The following SAP130 variants were observed in gnomAD, a reference collection of about 807,000 sequenced individuals.
SAP130 encodes Sin3A associated protein 130.
SAP130 carries 16 observed loss-of-function variants against 103.2 expected under a neutral mutation model. That is an observed-to-expected ratio of 0.16 (90% CI 0.10 to 0.24). SAP130 has a LOEUF of 0.24. Among genes scored for constraint, SAP130 ranks in the 10% least tolerant of loss-of-function variants. The probability of loss-of-function intolerance (pLI) is 1.00; values close to 1 mark genes in which losing one functional copy is unlikely to be tolerated. For missense variants in SAP130, 990 were observed against 1,359.7 expected, an observed-to-expected ratio of 0.73 and a Z score of 4.28; for synonymous variants, 477 against 497.0, an observed-to-expected ratio of 0.96 and a Z score of 0.53.
chr2:128,027,333 G>A, intron 1 of SAP130: 2 of 782,472 alleles, frequency 2.6e-6, no homozygotes, highest in African/African-American at 2.1e-5. Flanking sequence ...CCCGCCCATT[G>A]GCCCCACGCC....
chr2:127,942,183 C>T lies in SAP130; in HGVS notation c.3016-19G>A. 2 of 1,573,236 alleles carry T rather than the reference C, an allele frequency of 1.3e-6. No homozygotes were observed. The highest frequency in any genetic ancestry group is 1.7e-6 in the Non-Finnish European group (2 of 1,164,288). ...TATTTCCCTGAAACAGAAGACATTG[C>T]ATCATCAATCAGTGACCATGAGGAT... On this transcript the variant is annotated intron_variant, in intron 20 of 20. Coordinates refer to ENST00000643581, the MANE Select transcript of SAP130 (RefSeq NM_001330301.2). The surrounding 1 kb of genome is among the most constrained non-coding windows in gnomAD (Gnocchi z 4.8).
chr2:128,017,585 TCCTAAGATACAG>T, intron 3 of SAP130, 83 bp downstream of exon 3: 1 of 1,077,802 alleles, frequency 9.3e-7, no homozygotes. Flanking sequence ...TGAAATGTGA[TCCTAAGATACAG>T]CCTAAGATTT....
chr2:127,942,524 T>C lies in SAP130; in HGVS notation c.2915A>G (p.His972Arg). The C allele has an allele frequency of 6.2e-7, 1 of 1,606,384 alleles. No individual in the cohort carries two copies. The highest frequency in any genetic ancestry group is 2.2e-5 in the East Asian group (1 of 44,848). ...GTTAGTAAGTCTTTCATAGACATCATGTTCTAGATTCGTCTGCAACACACA... is the reference window on the plus strand; with the variant it reads ...GTTAGTAAGTCTTTCATAGACATCACGTTCTAGATTCGTCTGCAACACACA... Reference protein sequence around the residue: ...AQLLQLTNLEHDVYERLTNLQ... With the variant: ...AQLLQLTNLERDVYERLTNLQ... The change falls in exon 20 of 21, where the codon CAT (histidine) becomes CGT (arginine). Residue 972 changes from histidine to arginine, a missense_variant. Physicochemically the swap from His to Arg is conservative, Grantham distance 29. Coordinates refer to ENST00000643581, the MANE Select transcript of SAP130 (RefSeq NM_001330301.2). The surrounding 1 kb of genome is among the most constrained non-coding windows in gnomAD (Gnocchi z 4.8).
chr2:127,967,587 C>T lies in SAP130; in HGVS notation c.2063+10398G>A, dbSNP rs1014333046. On this transcript the variant is annotated intron_variant, in intron 15 of 20. Coordinates refer to ENST00000643581, the MANE Select transcript of SAP130 (RefSeq NM_001330301.2). ...CTAATTTTTGTATTTTTAGTAGAGA[C>T]GGGTTTCACCATCTTGGCCAAGCTG... is the stretch of plus-strand genomic sequence containing the variant. Among the ~76,000 whole-genome samples, 20 of 152,252 alleles carry T rather than the reference C, an allele frequency of 1.3e-4. No homozygotes were observed. The Middle Eastern group carries it at 0.014, about 104-fold the overall frequency.
At chr2:127,945,587 G>A in intron 18 of SAP130, 28 bp from the exon 19 acceptor site, 3 of 1,274,530 alleles carry the variant, frequency 2.4e-6, no homozygotes, top group East Asian at 2.3e-5. Context: ...AAAAATACAT[G>A]TATTTCAGTG....
intron 18 of SAP130, among the ~76,000 whole-genome samples, chr2:127,947,656 GCA>G (rs1451299846): frequency 6.6e-6 from 1 of 152,048 alleles, no homozygotes; most frequent in Non-Finnish European, 1.5e-5. Flanking sequence ...TGTGTCTCTA[GCA>G]ATTTTCTTTC....
At chr2:127,961,822 T>C (rs147130828) in intron 15 of SAP130, among the ~76,000 whole-genome samples, 42 of 151,462 alleles carry the variant, frequency 2.8e-4, no homozygotes, top group African/African-American at 1.0e-3. Context: ...ACTAAGGAAT[T>C]TGGGGAACGT....
chr2:127,975,775 G>T (rs1009642895), intron 15 of SAP130, among the ~76,000 whole-genome samples: 1 of 152,144 alleles, frequency 6.6e-6, no homozygotes, highest in African/African-American at 2.4e-5. Context: ...AGTCCGAGGA[G>T]AAGTGAAGGC....
chr2:127,996,381 G>A lies in SAP130; in HGVS notation c.1324C>T (p.Pro442Ser). The A allele has an allele frequency of 1.2e-6, 2 of 1,611,410 alleles. No homozygotes were observed. Among genetic ancestry groups the A allele is most frequent in the Non-Finnish European group, 1.7e-6 (2 of 1,178,868 alleles). The change falls in exon 11 of 21, where the codon CCT becomes TCT. Residue 442 changes from proline (P) to serine (S), a missense_variant. Pro to Ser is a moderately conservative substitution (Grantham distance 74). Around this residue, in one of 6 missense-constraint regions of SAP130, gnomAD observed 336 missense variants for 520.1 expected, o/e 0.65. Coordinates refer to ENST00000643581, the MANE Select transcript of SAP130 (RefSeq NM_001330301.2). This position sits in a 1 kb window ranked among gnomAD's most constrained non-coding sequence, Gnocchi z 4.3. ...PISGHRASPN[P>S]VAMETRSDNR... is the part of the protein sequence containing the mutation. The stretch of plus-strand genomic sequence containing the variant: ...TCACTTCGGGTTTCCATGGCCACAG[G>A]ATTGGGAGAGGCCCGATGTCCGGAG...
chr2:127,947,769 T>TGA (rs1553500445), intron 18 of SAP130, among the ~76,000 whole-genome samples: 10 of 147,640 alleles, frequency 6.8e-5, no homozygotes, highest in African/African-American at 2.6e-4. Flanking sequence ...TGTGTCTGTG[T>TGA]GTGTGTGTGT....
rs753412070 is a variant in SAP130 at position 128,013,074 on chromosome 2, T to C, written c.700A>G (p.Thr234Ala). Residue 234 changes from threonine (T) to alanine (A), a missense_variant, in exon 6 of 21, where the codon ACT becomes GCT. By Grantham distance (58) the Thr-to-Ala change is moderately conservative. This residue lies in a region of SAP130 where 336 missense variants were observed against 520.1 expected (regional missense o/e 0.65). Coordinates refer to ENST00000643581, the MANE Select transcript of SAP130 (RefSeq NM_001330301.2). ...ATGTGCTGTACTGCTGGCTGAGCAG[T>C]AGCAGCATTTGGCAGCTGTGAGGTC... The part of the protein sequence containing the change: ...RPTSQLPNAA[T>A]AQPAVQHIIH... 29 of 1,613,386 alleles carry C rather than the reference T, an allele frequency of 1.8e-5. No homozygotes were observed. The Admixed American group carries it at 2.3e-4, about 13-fold the overall frequency.
chr2:128,003,957 CTTTTTTTTTTTTTTTTTT>C lies in SAP130; in HGVS notation c.870-3521_870-3504del, dbSNP rs61211577. 8.5e-4 allele frequency among the ~76,000 whole-genome samples: 58 copies of C among 67,920 alleles called. 1 individual carries two copies. The highest frequency in any genetic ancestry group is 1.3e-3 in the Non-Finnish European group (45 of 34,374). 44.6% of individuals were successfully genotyped at this position (67,920 alleles called of 152,430 possible). Reference sequence around the variant, plus strand: ...ACTGTGTAGTTCTCCCACAGATCAGCTTTTTTTTTTTTTTTTTTTTTTTTTTTTTTTTGTTGACAGCCT... The same window carrying C: ...ACTGTGTAGTTCTCCCACAGATCAGCTTTTTTTTTTTTTTGTTGACAGCCT... On this transcript the variant is annotated intron_variant, in intron 7 of 20. Transcript: ENST00000643581.
intron 15 of SAP130, among the ~76,000 whole-genome samples, chr2:127,976,541 A>G (rs1420683849): frequency 2.0e-5 from 3 of 152,382 alleles, no homozygotes; most frequent in Middle Eastern, 3.4e-3. Context: ...TAAATATACT[A>G]ACATGGCAAA....
chr2:127,971,154 T>C (rs1026708505), intron 15 of SAP130, among the ~76,000 whole-genome samples: 6 of 151,892 alleles, frequency 4.0e-5, no homozygotes, highest in African/African-American at 1.2e-4. Context: ...GGTTTCGCCA[T>C]ATTGCCCAGG....
intron 15 of SAP130, among the ~76,000 whole-genome samples, chr2:127,964,624 T>G (rs1186958078): frequency 6.6e-6 from 1 of 151,582 alleles, no homozygotes; most frequent in Non-Finnish European, 1.5e-5. Context: ...TGAAAACTGT[T>G]AGGCTGAAAA....
At chr2:128,002,935 T>A (rs1325178058) in intron 7 of SAP130, among the ~76,000 whole-genome samples, 1 of 151,924 alleles carries the variant, frequency 6.6e-6, no homozygotes, top group Non-Finnish European at 1.5e-5. Flanking sequence ...AAGACTGGCG[T>A]AGGCAACATG....
chr2:127,953,469 T>C lies in SAP130; in HGVS notation c.2422+1517A>G, dbSNP rs912918623. Among the ~76,000 whole-genome samples, 5 of 152,180 alleles carry C rather than the reference T, an allele frequency of 3.3e-5. No individual in the cohort carries two copies. Among genetic ancestry groups the C allele is most frequent in the African/African-American group, 1.2e-4 (5 of 41,454 alleles). ...TCAGTCCTAAGTGAGTGCTTGGCACTGCTCTGCTCACACTCCCTGCTCTGC... is the reference window on the plus strand; with the variant it reads ...TCAGTCCTAAGTGAGTGCTTGGCACCGCTCTGCTCACACTCCCTGCTCTGC... On this transcript the variant is annotated intron_variant, in intron 16 of 20. Transcript: ENST00000643581. This position sits in a 1 kb window ranked among gnomAD's most constrained non-coding sequence, Gnocchi z 4.0.
chr2:127,948,994 C>A (rs1679314274), intron 18 of SAP130, among the ~76,000 whole-genome samples: 1 of 152,178 alleles, frequency 6.6e-6, no homozygotes, highest in African/African-American at 2.4e-5. Flanking sequence ...TCCTTGACCT[C>A]TGGAAATCTC....
chr2:128,006,740 A>G (rs1031489704), intron 7 of SAP130, among the ~76,000 whole-genome samples: 1 of 152,236 alleles, frequency 6.6e-6, no homozygotes, highest in Non-Finnish European at 1.5e-5. Context: ...TGATCAAGCC[A>G]CTGTTCTCCA....
Sources: allele counts gnomAD v4.1 joint callset (sites outside exome capture counted in the v4.1 genomes callset), GRCh38; gene constraint gnomAD v4.1.1; regional missense constraint gnomAD v4.1.1; non-coding constraint Gnocchi (gnomAD v3.1); transcripts MANE v1.5; gene names NCBI Gene and HGNC (gene_info 2026-07-23, HGNC 2026-07-21).